The following MTSS2 variants were observed in gnomAD, a reference collection of about 807,000 sequenced individuals.
MTSS2 encodes MTSS I-BAR domain containing 2, also known as protein MTSS 2.
A neutral mutation model predicts 67.1 loss-of-function variants in MTSS2; 27 were observed. The ratio of observed to expected loss-of-function variants is 0.40; its 90% CI spans 0.30 to 0.55. The LOEUF is 0.55. MTSS2 is among the 20% of genes least tolerant of loss of function. The pLI, the probability that MTSS2 is intolerant of heterozygous loss-of-function variation, is 0.43. For missense variants in MTSS2, 1,171 were observed against 1,067.8 expected (o/e 1.10, Z -1.35); for synonymous variants, 624 against 468.6 (o/e 1.33, Z -4.28).
chr16:70,665,328 G>C (rs895587999), intron 12 of MTSS2, 138 bp downstream of exon 12: 24 of 1,024,426 alleles, frequency 2.3e-5, no homozygotes, highest in Non-Finnish European at 3.3e-5. Context: ...CAGGTGGCTT[G>C]TCTCTTGGGG....
rs907486303 is a variant in MTSS2 at position 70,661,679 on chromosome 16, A to G, written c.*1998T>C. 17 of 304,592 alleles carry G rather than the reference A, an allele frequency of 5.6e-5. 1 individual carries two copies. Among genetic ancestry groups the G allele is most frequent in the South Asian group, 2.8e-4 (10 of 35,394 alleles). The allele number at this position is 304,592 out of a possible 1,614,324, so 18.9% of individuals were successfully genotyped here. Reference sequence around the variant, plus strand: ...AGGGATGGACAAGGGGATGGAGTAGAGTATGTACAGCCCCCGGGGCTCACA... The same window carrying G: ...AGGGATGGACAAGGGGATGGAGTAGGGTATGTACAGCCCCCGGGGCTCACA... On this transcript the variant is annotated 3_prime_UTR_variant, in exon 15 of 15. Coordinates refer to ENST00000338779, the MANE Select transcript of MTSS2 (RefSeq NM_138383.3).
chr16:70,663,353 CTGTCA>C lies in MTSS2; in HGVS notation c.*319_*323del, dbSNP rs2052563628. On this transcript the variant is annotated 3_prime_UTR_variant, in exon 15 of 15. Transcript: ENST00000338779. The stretch of plus-strand genomic sequence containing the variant: ...TGAAAGGGAGGCCAGCCTGGCCCCT[CTGTCA>C]TGGGCAGCGGCCCTGGCTCTGGTGC... 1.1e-5 allele frequency: 4 copies of C among 347,976 alleles called. No homozygotes were observed. Among genetic ancestry groups the C allele is most frequent in the Non-Finnish European group, 2.1e-5 (4 of 192,844 alleles). The allele number at this position is 347,976 out of a possible 1,614,324, so 21.6% of individuals were successfully genotyped here.
intron 1 of MTSS2, among the ~76,000 whole-genome samples, chr16:70,684,398 C>T (rs1015933366): frequency 2.0e-5 from 3 of 152,098 alleles, no homozygotes; most frequent in Non-Finnish European, 4.4e-5. Context: ...ATCTACAAGC[C>T]GCTAACTGGG....
chr16:70,663,856 C>T lies in MTSS2; in HGVS notation c.2065G>A (p.Gly689Ser), dbSNP rs1398486884. The change falls in exon 15 of 15, where the codon GGT becomes AGT. Residue 689 changes from glycine (G) to serine (S), a missense_variant. Coordinates refer to ENST00000338779, the MANE Select transcript of MTSS2 (RefSeq NM_138383.3). ...GELVAGAHALGEGQFPFPTAL... is the reference protein window; with the variant it reads ...GELVAGAHALSEGQFPFPTAL... ...GTGGGGAAGGGGAACTGGCCCTCAC[C>T]CAGTGCGTGGGCACCCGCCACCAGC... 6.5e-7 allele frequency: 1 copy of T among 1,542,560 alleles called. No individual in the cohort carries two copies.
chr16:70,663,222 G>C lies in MTSS2; in HGVS notation c.*455C>G, dbSNP rs2052557714. 1 of 166,672 alleles carries C rather than the reference G, an allele frequency of 6.0e-6. No individual in the cohort carries two copies. The highest frequency in any genetic ancestry group is 1.3e-5 in the Non-Finnish European group (1 of 77,474). The allele number at this position is 166,672 out of a possible 1,614,324, so 10.3% of individuals were successfully genotyped here. On this transcript the variant is annotated 3_prime_UTR_variant, in exon 15 of 15. Transcript: ENST00000338779. ...CCTGGAGGGAGAGGGGCCTGGGAGA[G>C]GCAGAGAGAAGGCAAGAGGGGAGGA...
intron 1 of MTSS2, among the ~76,000 whole-genome samples, chr16:70,682,743 T>C (rs1350092743): frequency 6.6e-6 from 1 of 150,904 alleles, no homozygotes; most frequent in African/African-American, 2.4e-5. Context: ...TAGGTCAATT[T>C]CACTGATTAA....
chr16:70,677,033 GC>G, intron 9 of MTSS2, 55 bp from the exon 10 acceptor site: 1 of 1,358,760 alleles, frequency 7.4e-7, no homozygotes, highest in Non-Finnish European at 1.0e-6. Context: ...AGCTAGTAGG[GC>G]CAGAGGCCCC....
In MTSS2 at chr16:70,664,287, G is replaced by A. The variant is rs775786354; in HGVS notation, c.1634C>T (p.Ala545Val). 9 of 1,563,252 alleles carry A rather than the reference G, an allele frequency of 5.8e-6. No individual in the cohort carries two copies. Among genetic ancestry groups the A allele is most frequent in the African/African-American group, 1.4e-5 (1 of 73,360 alleles). ...RPASTAGLPTAGLPTATGLPS... is the reference protein window; with the variant it reads ...RPASTAGLPTVGLPTATGLPS... ...CAGGCCAGTGGCCGTGGGCAGCCCC[G>A]CGGTGGGCAGCCCAGCAGTGGAGGC... The change falls in exon 15 of 15, where the codon GCG becomes GTG. Residue 545 changes from alanine (A) to valine (V), a missense_variant. Coordinates refer to ENST00000338779, the MANE Select transcript of MTSS2 (RefSeq NM_138383.3).
At chr16:70,671,401 CAAA>C (rs774830213) in intron 11 of MTSS2, among the ~76,000 whole-genome samples, 3 of 95,908 alleles carry the variant, frequency 3.1e-5, no homozygotes, top group Non-Finnish European at 4.4e-5. Context: ...GAGTCTGTGT[CAAA>C]AAAAAAAAAA....
In MTSS2 at chr16:70,685,765, G is replaced by T; in HGVS notation, c.27C>A (p.Gly9=). The T allele has an allele frequency of 7.2e-7, 1 of 1,390,954 alleles. No individual in the cohort carries two copies. 86.2% of individuals were successfully genotyped at this position (1,390,954 alleles called of 1,614,324 possible). METAEKEC[G]ALGGLFQAIV... ...TGGCCTGGAAGAGCCCGCCCAGGGCGCCGCACTCCTTCTCCGCCGTCTCCA... is the reference window on the plus strand; with the variant it reads ...TGGCCTGGAAGAGCCCGCCCAGGGCTCCGCACTCCTTCTCCGCCGTCTCCA... Residue 9 remains glycine (G), a synonymous_variant, in exon 1 of 15, where the codon GGC becomes GGA. Transcript: ENST00000338779.
chr16:70,673,065 G>A (rs1490303846), intron 11 of MTSS2, among the ~76,000 whole-genome samples: 2 of 152,166 alleles, frequency 1.3e-5, no homozygotes, highest in East Asian at 1.9e-4. Context: ...GGAGGGTGAG[G>A]TGGGAGGATC....
intron 11 of MTSS2, 100 bp downstream of exon 11, chr16:70,674,202 CTATA>C: frequency 5.7e-6 from 1 of 174,590 alleles, no homozygotes; most frequent in South Asian, 4.6e-5. Flanking sequence ...GTCTCAACAG[CTATA>C]GTAGTCTCAA....
chr16:70,683,678 G>C (rs564750210), intron 1 of MTSS2, among the ~76,000 whole-genome samples: 1 of 152,244 alleles, frequency 6.6e-6, no homozygotes, highest in Admixed American at 6.5e-5. Flanking sequence ...GGGCCTCCCA[G>C]AGGCCCAGGG....
At chr16:70,665,348 G>C (rs749492978) in intron 12 of MTSS2, 118 bp downstream of exon 12, 6 of 1,121,742 alleles carry the variant, frequency 5.3e-6, no homozygotes, top group Admixed American at 2.4e-5. Flanking sequence ...GACAGGTGCT[G>C]TGTGCACGCA....
In MTSS2 at chr16:70,674,659, G is replaced by C. The variant is rs1214191941; in HGVS notation, c.831-131C>G. Reference sequence around the variant, plus strand: ...GGAAGGAAAAGACAATGTCAGACTAGGAGGTCCTGAGACCCAGGTGCTACA... The same window carrying C: ...GGAAGGAAAAGACAATGTCAGACTACGAGGTCCTGAGACCCAGGTGCTACA... On this transcript the variant is annotated intron_variant, in intron 10 of 14. Coordinates refer to ENST00000338779, the MANE Select transcript of MTSS2 (RefSeq NM_138383.3). 3 of 797,304 alleles carry C rather than the reference G, an allele frequency of 3.8e-6. No individual in the cohort carries two copies. The East Asian group carries it at 8.0e-5, about 21-fold the overall frequency. The allele number at this position is 797,304 out of a possible 1,614,324, so 49.4% of individuals were successfully genotyped here.
In MTSS2 at chr16:70,664,317, C is replaced by T. The variant is rs1265948791; in HGVS notation, c.1604G>A (p.Arg535His). Reference protein sequence around the residue: ...QNYRRLIQTKRPASTAGLPTA... With the variant: ...QNYRRLIQTKHPASTAGLPTA... The stretch of plus-strand genomic sequence containing the variant: ...GGGCAGCCCAGCAGTGGAGGCTGGG[C>T]GCTTGGTCTGGATCAGGCGGCGGTA... Residue 535 changes from arginine to histidine, a missense_variant, in exon 15 of 15, where the codon CGC (arginine) becomes CAC (histidine). Physicochemically the swap from Arg to His is conservative, Grantham distance 29 (BLOSUM62 0). This residue lies in a region of MTSS2 where 924 missense variants were observed against 756.0 expected (regional missense o/e 1.22). Coordinates refer to ENST00000338779, the MANE Select transcript of MTSS2 (RefSeq NM_138383.3). 9 of 1,591,728 alleles carry T rather than the reference C, an allele frequency of 5.7e-6. No homozygotes were observed. Among genetic ancestry groups the T allele is most frequent in the East Asian group, 2.2e-5 (1 of 44,730 alleles).
chr16:70,685,640 G>A lies in MTSS2; in HGVS notation c.69+83C>T, dbSNP rs1403344377. 1.7e-5 allele frequency: 14 copies of A among 841,858 alleles called. No homozygotes were observed. The East Asian group carries it at 8.6e-4, about 52-fold the overall frequency. The allele number at this position is 841,858 out of a possible 1,614,324, so 52.1% of individuals were successfully genotyped here. A position where few individuals can be genotyped will look rare whatever the true frequency, so the allele number is the denominator to read the frequency against. On this transcript the variant is annotated intron_variant, in intron 1 of 14. Transcript: ENST00000338779. ...CAGACACCGCGGCGCGCGGCCACAC[G>A]AGGCTCGGCCACCCGCCGCCACGCG...
At chr16:70,668,752 CACT>C (rs2052814408) in intron 11 of MTSS2, among the ~76,000 whole-genome samples, 2 of 152,238 alleles carry the variant, frequency 1.3e-5, no homozygotes, top group African/African-American at 4.8e-5. Context: ...CCCCTTCCAC[CACT>C]GAGGACACAG....
chr16:70,677,207 G>T (rs1185958775), intron 9 of MTSS2, among the ~76,000 whole-genome samples: 1 of 152,158 alleles, frequency 6.6e-6, no homozygotes, highest in African/African-American at 2.4e-5. Flanking sequence ...TCCGAGCCCA[G>T]CCTGGGCTGG....
Sources: gnomAD v4.1 joint callset for allele counts (sites outside exome capture counted in the v4.1 genomes callset) on GRCh38, gnomAD v4.1.1 for gene constraint, gnomAD v4.1.1 regional missense constraint, MANE v1.5 for transcripts, NCBI Gene and HGNC (gene_info 2026-07-23, HGNC 2026-07-21) for gene names.